TK2: variants seen among roughly 807,000 people sequenced by gnomAD.
The protein encoded by TK2 is thymidine kinase 2, mitochondrial.
TK2 carries 35 observed loss-of-function variants against 41.9 expected under a neutral mutation model. The observed-to-expected ratio is 0.84, with a 90% CI of 0.64 to 1.11. The LOEUF (loss-of-function observed/expected upper bound fraction) is 1.11. TK2 is among the 50% of genes least tolerant of loss of function. The probability of loss-of-function intolerance (pLI) is 0.00; values close to 1 mark genes in which losing one functional copy is unlikely to be tolerated. For missense variants in TK2, 320 were observed against 351.1 expected (o/e 0.91, Z 0.71); for synonymous variants, 128 against 129.1 (o/e 0.99, Z 0.06).
At chr16:66,542,458 T>C (rs1965486304) in intron 2 of TK2, among the ~76,000 whole-genome samples, 1 of 152,194 alleles carries the variant, frequency 6.6e-6, no homozygotes, top group African/African-American at 2.4e-5. Context: ...TTAAGCACCT[T>C]GTCACAGGCC....
chr16:66,524,997 G>A (rs1205113241), intron 6 of TK2: 1 of 152,252 alleles, frequency 6.6e-6, no homozygotes, highest in Non-Finnish European at 1.5e-5. Flanking sequence ...CCCCTCCTGT[G>A]GTTAGTTCCT....
intron 3 of TK2, 34 bp downstream of exon 3, chr16:66,541,845 T>C: frequency 6.2e-7 from 1 of 1,611,418 alleles, no homozygotes; most frequent in Non-Finnish European, 8.5e-7. Context: ...TCAAGCTTTC[T>C]CCGCTTCCTT....
intron 3 of TK2, 149 bp from the exon 4 acceptor site, chr16:66,537,166 G>A (rs1965310613): frequency 2.4e-6 from 2 of 847,240 alleles, no homozygotes; most frequent in South Asian, 1.4e-5. Flanking sequence ...CAAAATAGCT[G>A]ACAACCCCCG....
chr16:66,544,456 T>C (rs764758319), intron 2 of TK2, among the ~76,000 whole-genome samples: 15 of 152,222 alleles, frequency 9.9e-5, no homozygotes, highest in Non-Finnish European at 1.8e-4. Context: ...GTCCTCATCT[T>C]TGAGCACGTT....
At chr16:66,545,598 CG>C (rs1206651572) in intron 2 of TK2, among the ~76,000 whole-genome samples, 1 of 152,082 alleles carries the variant, frequency 6.6e-6, no homozygotes, top group African/African-American at 2.4e-5. Context: ...CCTAGACAGG[CG>C]GATCACCTGA....
intron 3 of TK2, among the ~76,000 whole-genome samples, chr16:66,538,924 C>T (rs367902141): frequency 6.6e-6 from 1 of 152,130 alleles, no homozygotes; most frequent in Non-Finnish European, 1.5e-5. Flanking sequence ...ACTGGCCTAG[C>T]GACCCTGGAC....
rs980536247 is a variant in TK2 at position 66,548,848 on chromosome 16, C to A, written c.156+130G>T. 3.4e-6 allele frequency: 3 copies of A among 872,874 alleles called. No homozygotes were observed. The African/African-American group carries it at 5.1e-5, about 15-fold the overall frequency. 54.1% of individuals were successfully genotyped at this position (872,874 alleles called of 1,614,324 possible). ...TTCTAGGAGGGTGACAGACTTCCTT[C>A]TCCCTGGAGATCCTCTTGTATTTTT... is the stretch of plus-strand genomic sequence containing the variant. On this transcript the variant is annotated intron_variant, in intron 2 of 9. Coordinates refer to ENST00000544898, the MANE Select transcript of TK2 (RefSeq NM_004614.5).
chr16:66,531,743 CA>C (rs1175725961), intron 4 of TK2, among the ~76,000 whole-genome samples: 2 of 152,118 alleles, frequency 1.3e-5, no homozygotes, highest in African/African-American at 4.8e-5. Flanking sequence ...GAAGGGCATC[CA>C]AATTGGAAAG....
chr16:66,524,624 C>T (rs1964875753), intron 6 of TK2, among the ~76,000 whole-genome samples: 1 of 152,176 alleles, frequency 6.6e-6, no homozygotes. Context: ...AAGTATAAGC[C>T]ACTACACCCG....
intron 2 of TK2, among the ~76,000 whole-genome samples, chr16:66,548,255 C>G (rs1413518698): frequency 6.6e-6 from 1 of 152,178 alleles, no homozygotes; most frequent in Non-Finnish European, 1.5e-5. Flanking sequence ...CCTGAGTACG[C>G]TGGGGGCCTG....
At chr16:66,545,617 A>C (rs1376458086) in intron 2 of TK2, among the ~76,000 whole-genome samples, 1 of 152,194 alleles carries the variant, frequency 6.6e-6, no homozygotes, top group Non-Finnish European at 1.5e-5. Flanking sequence ...TGAGGTTAGG[A>C]GTTCGAGACC....
chr16:66,529,464 G>A (rs1361666308), intron 5 of TK2, among the ~76,000 whole-genome samples: 1 of 152,274 alleles, frequency 6.6e-6, no homozygotes, highest in East Asian at 1.9e-4. Context: ...TAAATAGGGT[G>A]AGTTTGCTTA....
At chr16:66,549,285 C>T in intron 1 of TK2, 2 of 1,251,984 alleles carry the variant, frequency 1.6e-6, no homozygotes, top group Non-Finnish European at 2.0e-6. Context: ...TTATTTAGAT[C>T]TTCACAGACT....
chr16:66,510,923 C>T lies in TK2; in HGVS notation c.*1045G>A, dbSNP rs1319179342. ...AAAGATGATTTCAGGCTCTATGGCT[C>T]GAGGCATTTCCCTGGATGAAATAAC... On this transcript the variant is annotated 3_prime_UTR_variant, in exon 10 of 10. Coordinates refer to ENST00000544898, the MANE Select transcript of TK2 (RefSeq NM_004614.5). 2.0e-5 allele frequency: 3 copies of T among 152,140 alleles called. No individual in the cohort carries two copies. The highest frequency in any genetic ancestry group is 4.4e-5 in the Non-Finnish European group (3 of 68,028). The allele number at this position is 152,140 out of a possible 1,614,324, so 9.4% of individuals were successfully genotyped here.
At chr16:66,516,618 A>G (rs1159725279) in intron 8 of TK2, among the ~76,000 whole-genome samples, 1 of 152,172 alleles carries the variant, frequency 6.6e-6, no homozygotes, top group Admixed American at 6.5e-5. Flanking sequence ...CAGAGTCCCC[A>G]TGAGAGTCAG....
At chr16:66,536,416 A>T (rs1460463746) in intron 4 of TK2, among the ~76,000 whole-genome samples, 7 of 152,056 alleles carry the variant, frequency 4.6e-5, no homozygotes, top group Non-Finnish European at 1.5e-5. Context: ...AAGCAACCAG[A>T]GCAGAACCTC....
chr16:66,549,998 G>T lies in TK2; in HGVS notation c.64C>A (p.Arg22Ser). The T allele has an allele frequency of 6.6e-7, 1 of 1,522,884 alleles. No individual in the cohort carries two copies. The highest frequency in any genetic ancestry group is 1.2e-5 in the South Asian group (1 of 81,690). 94.3% of individuals were successfully genotyped at this position (1,522,884 alleles called of 1,614,324 possible). The change falls in exon 1 of 10, where the codon CGC becomes AGC. Residue 22 changes from arginine (R) to serine (S), a missense_variant. By Grantham distance (110) the Arg-to-Ser change is moderately radical. Transcript: ENST00000544898. ...RALRCFGPGS[R>S]GSPASGPGPR... is the part of the protein sequence containing the mutation. Reference sequence around the variant, plus strand: ...CCGGGGCCTGAGGCCGGGCTCCCGCGACTTCCCGGCCCAAAGCAGCGCAGC... The same window carrying T: ...CCGGGGCCTGAGGCCGGGCTCCCGCTACTTCCCGGCCCAAAGCAGCGCAGC...
intron 5 of TK2, among the ~76,000 whole-genome samples, chr16:66,530,667 A>G (rs1965082387): frequency 6.6e-6 from 1 of 152,104 alleles, no homozygotes; most frequent in African/African-American, 2.4e-5. Flanking sequence ...CCTCATCCCT[A>G]GAATTTCTAA....
At chr16:66,513,610 TTCTTC>T in intron 9 of TK2, 116 bp downstream of exon 9, 1 of 900,982 alleles carries the variant, frequency 1.1e-6, no homozygotes, top group Non-Finnish European at 1.8e-6. Flanking sequence ...CCCACCTTCC[TTCTTC>T]TAAGTTGTCA....
Sources: allele counts gnomAD v4.1 joint callset (sites outside exome capture counted in the v4.1 genomes callset), GRCh38; gene constraint gnomAD v4.1.1; transcripts MANE v1.5; gene names NCBI Gene and HGNC (gene_info 2026-07-23, HGNC 2026-07-21).